CRISPLD2: variants seen among roughly 807,000 people sequenced by gnomAD.
CRISPLD2 encodes the protein cysteine rich secretory protein LCCL domain containing 2.
A neutral mutation model predicts 71.1 loss-of-function variants in CRISPLD2; 47 were observed. The observed-to-expected ratio is 0.66, with a 90% confidence interval of 0.52 to 0.84. The LOEUF (loss-of-function observed/expected upper bound fraction) is 0.84, where lower values mean the gene tolerates loss of function less well. Ranked by LOEUF, CRISPLD2 falls within the 40% of genes least tolerant of loss-of-function variation. The pLI is 0.00. For synonymous variants in CRISPLD2, 317 were observed against 250.1 expected (o/e 1.27, Z -2.52); for missense variants, 830 against 651.1 (o/e 1.27, Z -2.99).
intron 6 of CRISPLD2, among the ~76,000 whole-genome samples, chr16:84,855,563 G>A (rs577185950): frequency 3.2e-4 from 48 of 152,176 alleles, no homozygotes; most frequent in African/African-American, 8.9e-4. Flanking sequence ...CCCAGATTAC[G>A]GGTGGGTCTG....
chr16:84,875,281 C>G lies in CRISPLD2; in HGVS notation c.1156+1318C>G, dbSNP rs201261074. Among the ~76,000 whole-genome samples the G allele has an allele frequency of 7.0e-4, 80 of 114,228 alleles. No individual in the cohort carries two copies. In the East Asian group the frequency reaches 0.015, roughly 21 times the overall value. 74.9% of individuals were successfully genotyped at this position (114,228 alleles called of 152,430 possible). A position where few individuals can be genotyped will look rare whatever the true frequency, so the allele number is the denominator to read the frequency against. On this transcript the variant is annotated intron_variant, in intron 11 of 14. Transcript: ENST00000262424. Reference sequence around the variant, plus strand: ...TATGTGTGTGTGTGTGTGTGTGTGTCAGGAATATATTTCTGTGCCTTTAAA... The same window carrying G: ...TATGTGTGTGTGTGTGTGTGTGTGTGAGGAATATATTTCTGTGCCTTTAAA...
chr16:84,884,157 T>G (rs543029253), intron 13 of CRISPLD2, among the ~76,000 whole-genome samples: 15 of 152,284 alleles, frequency 9.9e-5, no homozygotes, highest in Admixed American at 2.6e-4. Context: ...TCTTTAATCT[T>G]CACAGTAACC....
At chr16:84,881,766 G>A (rs1033513684) in intron 13 of CRISPLD2, among the ~76,000 whole-genome samples, 1 of 152,050 alleles carries the variant, frequency 6.6e-6, no homozygotes, top group East Asian at 1.9e-4. Flanking sequence ...GTGAGCCACT[G>A]CACCCGGCCT....
In CRISPLD2 at chr16:84,831,155, C is replaced by T. The variant is rs143695836; in HGVS notation, c.-74-7267C>T. ...CATGGGCCTGTCAACTCAGCTGAGA[C>T]GCAGCCATGGAAGAGGACAGAGCTC... On this transcript the variant is annotated intron_variant, in intron 1 of 14. Coordinates refer to ENST00000262424, the MANE Select transcript of CRISPLD2 (RefSeq NM_031476.4). 6.3e-3 allele frequency among the ~76,000 whole-genome samples: 956 copies of T among 152,242 alleles called. 6 individuals are homozygous for T. Among genetic ancestry groups the T allele is most frequent in the Middle Eastern group, 0.02 (6 of 294 alleles).
chr16:84,902,336 G>A (rs1007249301), intron 14 of CRISPLD2, among the ~76,000 whole-genome samples: 5 of 151,988 alleles, frequency 3.3e-5, no homozygotes, highest in African/African-American at 4.8e-5. Flanking sequence ...CAGGCCGGGC[G>A]CAGTGGCTCA....
chr16:84,875,001 G>C (rs539492447), intron 11 of CRISPLD2, among the ~76,000 whole-genome samples: 3 of 152,248 alleles, frequency 2.0e-5, no homozygotes, highest in Admixed American at 6.5e-5. Context: ...AGCACTTTGG[G>C]AGACTGAGGC....
intron 10 of CRISPLD2, 49 bp from the exon 11 acceptor site, chr16:84,873,871 T>C: frequency 1.3e-6 from 2 of 1,513,200 alleles, no homozygotes; most frequent in Non-Finnish European, 1.8e-6. Context: ...GAAGCAATTC[T>C]ATTTGCATTT....
At chr16:84,894,554 G>T (rs992490257) in intron 14 of CRISPLD2, among the ~76,000 whole-genome samples, 3 of 152,182 alleles carry the variant, frequency 2.0e-5, no homozygotes, top group Non-Finnish European at 4.4e-5. Context: ...CCTCATAGGG[G>T]TGTGGTCTGC....
rs1916902023 is a variant in CRISPLD2 at position 84,845,907 on chromosome 16, A to G, written c.359+3A>G. ...AACCTGGGCGCTCACTGGGGCAGGT[A>G]AGAGCCACAAGTTCCTCTCCGGCTG... is the stretch of plus-strand genomic sequence containing the variant. On this transcript the variant is annotated splice_donor_region_variant and intron_variant, in intron 3 of 14. Coordinates refer to ENST00000262424, the MANE Select transcript of CRISPLD2 (RefSeq NM_031476.4). 3 of 1,591,488 alleles carry G rather than the reference A, an allele frequency of 1.9e-6. No homozygotes were observed. The highest frequency in any genetic ancestry group is 1.3e-5 in the African/African-American group (1 of 74,624).
At chr16:84,858,651 C>T (rs905341351) in intron 6 of CRISPLD2, among the ~76,000 whole-genome samples, 18 of 152,160 alleles carry the variant, frequency 1.2e-4, no homozygotes, top group Admixed American at 5.9e-4. Context: ...CTTGCAGAAG[C>T]GAAAGCAATC....
At chr16:84,892,216 C>G (rs2071668840) in intron 14 of CRISPLD2, among the ~76,000 whole-genome samples, 1 of 152,212 alleles carries the variant, frequency 6.6e-6, no homozygotes. Context: ...GTTGGAAAAG[C>G]ACATCCTCCG....
chr16:84,872,037 A>C (rs1449314686), intron 8 of CRISPLD2, among the ~76,000 whole-genome samples: 2 of 152,254 alleles, frequency 1.3e-5, no homozygotes, highest in Non-Finnish European at 2.9e-5. Flanking sequence ...AAACTGATAC[A>C]AATTTTAAAA....
At chr16:84,831,088 G>C (rs547921088) in intron 1 of CRISPLD2, among the ~76,000 whole-genome samples, 1 of 152,226 alleles carries the variant, frequency 6.6e-6, no homozygotes, top group Non-Finnish European at 1.5e-5. Flanking sequence ...GAGAGTCAGA[G>C]CGGCTGCAAT....
At chr16:84,899,302 C>T (rs1199884569) in intron 14 of CRISPLD2, among the ~76,000 whole-genome samples, 2 of 152,132 alleles carry the variant, frequency 1.3e-5, no homozygotes, top group African/African-American at 4.8e-5. Flanking sequence ...AGAAATACTG[C>T]AGCAATTTAT....
At position 84,906,944 on chromosome 16, in the gene CRISPLD2, A is replaced by G. The variant is rs1226609989; in HGVS notation, c.*302A>G. On this transcript the variant is annotated 3_prime_UTR_variant, in exon 15 of 15. Coordinates refer to ENST00000262424, the MANE Select transcript of CRISPLD2 (RefSeq NM_031476.4). ...GTCTCTTAAAGGGGACAGTTGCCCA[A>G]AATGTTCCTTGCTATGTGTTCTTCT... The G allele has an allele frequency of 2.3e-6, 1 of 441,444 alleles. No individual in the cohort carries two copies. Among genetic ancestry groups the G allele is most frequent in the African/African-American group, 2.0e-5 (1 of 49,714 alleles). The allele number at this position is 441,444 out of a possible 1,614,324, so 27.3% of individuals were successfully genotyped here.
chr16:84,870,865 C>A (rs554904609), intron 8 of CRISPLD2, among the ~76,000 whole-genome samples: 14 of 152,064 alleles, frequency 9.2e-5, no homozygotes, highest in African/African-American at 3.4e-4. Context: ...TTGAGACCAG[C>A]CTGGGCAACT....
rs1440904765 is a variant in CRISPLD2 at position 84,907,119 on chromosome 16, TA to T, written c.*483del. The stretch of plus-strand genomic sequence containing the variant: ...GAAGTAGAAGGTAGTTATTTAAAAA[TA>T]AAAAACACAGTCCGTCCCTACCAAT... On this transcript the variant is annotated 3_prime_UTR_variant, in exon 15 of 15. Coordinates refer to ENST00000262424, the MANE Select transcript of CRISPLD2 (RefSeq NM_031476.4). 2.8e-5 allele frequency: 5 copies of T among 178,002 alleles called. No individual in the cohort carries two copies. The Admixed American group carries it at 3.0e-4, about 11-fold the overall frequency. The allele number at this position is 178,002 out of a possible 1,614,324, so 11.0% of individuals were successfully genotyped here. A position where few individuals can be genotyped will look rare whatever the true frequency, so the allele number is the denominator to read the frequency against.
intron 14 of CRISPLD2, among the ~76,000 whole-genome samples, chr16:84,903,543 G>T (rs530037613): frequency 1.3e-5 from 2 of 149,538 alleles, no homozygotes; most frequent in African/African-American, 4.9e-5. Flanking sequence ...AATGAGCCGA[G>T]ATCACACCGT....
intron 11 of CRISPLD2, among the ~76,000 whole-genome samples, chr16:84,875,380 T>G (rs932944180): frequency 1.3e-5 from 2 of 151,300 alleles, no homozygotes; most frequent in African/African-American, 4.9e-5. Context: ...AACACAAATT[T>G]GTAAACATGA....
Sources: gnomAD v4.1 joint callset for allele counts (sites outside exome capture counted in the v4.1 genomes callset) on GRCh38, gnomAD v4.1.1 for gene constraint, MANE v1.5 for transcripts, NCBI Gene and HGNC (gene_info 2026-07-23, HGNC 2026-07-21) for gene names.